EIPR1: variants seen among roughly 807,000 people sequenced by gnomAD.
EIPR1 encodes EARP and GARP complex-interacting protein 1.
EIPR1 carries 25 observed loss-of-function variants against 48.1 expected under a neutral mutation model. That is an observed-to-expected ratio of 0.52 (90% confidence interval 0.38 to 0.73). The LOEUF (loss-of-function observed/expected upper bound fraction) is 0.73, where lower values mean the gene tolerates loss of function less well. EIPR1 is among the 30% of genes least tolerant of loss of function. EIPR1 has a pLI of 0.00. For missense variants in EIPR1, 415 were observed against 506.2 expected (o/e 0.82, Z 1.73); for synonymous variants, 204 against 201.9 (o/e 1.01, Z -0.09).
chr2:3,371,926 T>C (rs1226878139), intron 1 of EIPR1, among the ~76,000 whole-genome samples: 1 of 151,954 alleles, frequency 6.6e-6, no homozygotes, highest in East Asian at 1.9e-4. Flanking sequence ...CAACAGAATA[T>C]ACATTTTTTT....
Position 3,354,567 on chromosome 2 carries a change from G to A in EIPR1, c.109C>T (p.Leu37Phe). The A allele has an allele frequency of 1.2e-6, 2 of 1,614,068 alleles. No homozygotes were observed. The highest frequency in any genetic ancestry group is 1.7e-6 in the Non-Finnish European group (2 of 1,179,988). The stretch of plus-strand genomic sequence containing the variant: ...ATAGTTACCTGATTATCATATTTAA[G>A]AGACTGCGTCCCAACCAAAAACCGA... ...AIRFLVGTQS[L>F]KYDNQIHIID... The change falls in exon 2 of 9, where the codon CTT (leucine) becomes TTT (phenylalanine). Residue 37 changes from leucine (L) to phenylalanine (F), a missense_variant. Physicochemically the swap from Leu to Phe is conservative, Grantham distance 22. Transcript: ENST00000382125.
chr2:3,242,277 AT>A (rs1666656374), intron 4 of EIPR1, among the ~76,000 whole-genome samples: 1 of 15,374 alleles, frequency 6.5e-5, no homozygotes, highest in African/African-American at 1.1e-4. Flanking sequence ...GAAGACAGAG[AT>A]TTCAGGCCCC....
intron 3 of EIPR1, among the ~76,000 whole-genome samples, chr2:3,298,623 T>C (rs2103289727): frequency 6.6e-6 from 1 of 151,882 alleles, no homozygotes; most frequent in Admixed American, 6.6e-5. Context: ...TCCGGTGTCC[T>C]CCCCCGAGAA....
At chr2:3,216,620 A>G (rs1665648012) in intron 4 of EIPR1, among the ~76,000 whole-genome samples, 1 of 152,228 alleles carries the variant, frequency 6.6e-6, no homozygotes, top group Non-Finnish European at 1.5e-5. Flanking sequence ...AATAATGCAC[A>G]AACACTAATC....
At chr2:3,234,398 C>T (rs974771463) in intron 4 of EIPR1, among the ~76,000 whole-genome samples, 4 of 152,190 alleles carry the variant, frequency 2.6e-5, no homozygotes, top group South Asian at 4.1e-4. Context: ...GGCAAGAGTC[C>T]CCAAGAGCAG....
chr2:3,335,180 G>A lies in EIPR1; in HGVS notation c.259+2837C>T, dbSNP rs574219351. ...TGGAGACCCCAGGCCAGTGCGCTAC[G>A]AAGCTACAGCCAGTACACACTGTTG... On this transcript the variant is annotated intron_variant, in intron 3 of 8. Transcript: ENST00000382125. Among the ~76,000 whole-genome samples, 10 of 152,248 alleles carry A rather than the reference G, an allele frequency of 6.6e-5. No homozygotes were observed. In the East Asian group the frequency reaches 1.5e-3, roughly 24 times the overall value.
At chr2:3,371,440 T>C (rs62119555) in intron 1 of EIPR1, among the ~76,000 whole-genome samples, 1 of 152,112 alleles carries the variant, frequency 6.6e-6, no homozygotes, top group South Asian at 2.1e-4. Context: ...GACTGGCAAA[T>C]TGGATAAAGA....
intron 1 of EIPR1, among the ~76,000 whole-genome samples, chr2:3,367,060 A>C (rs936040216): frequency 6.6e-6 from 1 of 151,810 alleles, no homozygotes; most frequent in African/African-American, 2.4e-5. Context: ...ATAAGTAAAA[A>C]TAAAAATAAA....
chr2:3,302,945 G>A (rs897067256), intron 3 of EIPR1, among the ~76,000 whole-genome samples: 4 of 152,254 alleles, frequency 2.6e-5, no homozygotes, highest in Admixed American at 6.5e-5. Context: ...GGCAGCCACA[G>A]CAGGGACACG....
At chr2:3,297,444 T>C (rs1668636361) in intron 3 of EIPR1, among the ~76,000 whole-genome samples, 2 of 152,182 alleles carry the variant, frequency 1.3e-5, no homozygotes, top group African/African-American at 2.4e-5. Context: ...ATAAGGGCTG[T>C]AGATGAGCAG....
At chr2:3,375,962 T>C (rs755741542) in intron 1 of EIPR1, among the ~76,000 whole-genome samples, 2 of 152,164 alleles carry the variant, frequency 1.3e-5, no homozygotes, top group Non-Finnish European at 2.9e-5. Context: ...TGCTGCCCTG[T>C]ATAAAATTTA....
chr2:3,254,617 G>A (rs1342185988), intron 4 of EIPR1, among the ~76,000 whole-genome samples: 1 of 152,238 alleles, frequency 6.6e-6, no homozygotes, highest in East Asian at 1.9e-4. Context: ...AGGTTACACT[G>A]TGGGTGATTC....
At chr2:3,363,202 C>T (rs542737147) in intron 1 of EIPR1, among the ~76,000 whole-genome samples, 10 of 152,050 alleles carry the variant, frequency 6.6e-5, no homozygotes, top group South Asian at 2.1e-4. Flanking sequence ...AAAAGACCAG[C>T]GATCAAAAGA....
chr2:3,233,101 A>G (rs978541245), intron 4 of EIPR1, among the ~76,000 whole-genome samples: 3 of 152,212 alleles, frequency 2.0e-5, no homozygotes, highest in Admixed American at 2.0e-4. Context: ...TAAGTGATTG[A>G]TATGCAGCTT....
intron 3 of EIPR1, among the ~76,000 whole-genome samples, chr2:3,289,792 G>T (rs751665633): frequency 1.3e-5 from 2 of 152,226 alleles, no homozygotes; most frequent in African/African-American, 2.4e-5. Context: ...GCGGCCCCCA[G>T]CCTTATCCTT....
chr2:3,364,541 G>A (rs368759658), intron 1 of EIPR1, among the ~76,000 whole-genome samples: 6 of 151,958 alleles, frequency 3.9e-5, no homozygotes, highest in African/African-American at 9.7e-5. Flanking sequence ...GGCCTGAGGT[G>A]GGAGGATCAA....
At chr2:3,237,507 T>C (rs1036315125) in intron 4 of EIPR1, among the ~76,000 whole-genome samples, 1 of 152,228 alleles carries the variant, frequency 6.6e-6, no homozygotes, top group Admixed American at 6.5e-5. Flanking sequence ...TTATCGTATG[T>C]ATTGCACACA....
In EIPR1 at chr2:3,189,395, T is replaced by C. The variant is rs1664521826; in HGVS notation, c.1103A>G (p.Tyr368Cys). Residue 368 changes from tyrosine (Y) to cysteine (C), a missense_variant, in exon 9 of 9, where the codon TAT (tyrosine) becomes TGT (cysteine). Coordinates refer to ENST00000382125, the MANE Select transcript of EIPR1 (RefSeq NM_003310.5). This position sits in a 1 kb window ranked among gnomAD's most constrained non-coding sequence, Gnocchi z 4.6. ...CCTGTTGATCACGAGCCTCCCGTCA[T>C]AGCTCAGGGAGGCAAACAGCCACGG... ...ADPWLFASLS[Y>C]DGRLVINRVP... 1 of 1,603,970 alleles carries C rather than the reference T, an allele frequency of 6.2e-7. No individual in the cohort carries two copies. The highest frequency in any genetic ancestry group is 8.5e-7 in the Non-Finnish European group (1 of 1,174,792).
At chr2:3,233,808 G>C (rs1417968581) in intron 4 of EIPR1, among the ~76,000 whole-genome samples, 4 of 152,148 alleles carry the variant, frequency 2.6e-5, no homozygotes, top group Admixed American at 6.6e-5. Context: ...GGCCTAAGTG[G>C]GTGAAGAATT....
Sources: allele counts gnomAD v4.1 joint callset (sites outside exome capture counted in the v4.1 genomes callset), GRCh38; gene constraint gnomAD v4.1.1; non-coding constraint Gnocchi (gnomAD v3.1); transcripts MANE v1.5; gene names NCBI Gene and HGNC (gene_info 2026-07-23, HGNC 2026-07-21).